Variants in GSE1 observed in about 807,000 individuals in gnomAD.
GSE1 encodes the protein Gse1 coiled-coil protein, also known as genetic suppressor element 1.
In GSE1, 32 loss-of-function variants were observed where a neutral mutation model predicts 112.6. That is an observed-to-expected ratio of 0.28 (90% CI 0.21 to 0.38). GSE1 has a LOEUF of 0.38. Among genes scored for constraint, GSE1 ranks in the 10% least tolerant of loss-of-function variants. The probability of loss-of-function intolerance (pLI) is 1.00; values close to 1 mark genes in which losing one functional copy is unlikely to be tolerated. For synonymous variants in GSE1, 1,115 were observed against 735.6 expected (o/e 1.52, Z -8.35); for missense variants, 2,348 against 1,699.2 (o/e 1.38, Z -6.71).
At chr16:85,473,917 C>A (rs1306287781) in intron 2 of GSE1, among the ~76,000 whole-genome samples, 1 of 151,944 alleles carries the variant, frequency 6.6e-6, no homozygotes, top group African/African-American at 2.4e-5. Flanking sequence ...GAAAAAAGAG[C>A]CGGAGCTGGT....
At chr16:85,615,329 G>T (rs1235054009) in intron 1 of GSE1, among the ~76,000 whole-genome samples, 7 of 152,364 alleles carry the variant, frequency 4.6e-5, no homozygotes, top group African/African-American at 1.7e-4. Context: ...GCCCTGGCCT[G>T]CGAGAGCAGC....
chr16:85,323,331 G>C (rs1354323825), intron 1 of GSE1, among the ~76,000 whole-genome samples: 1 of 152,192 alleles, frequency 6.6e-6, no homozygotes, highest in South Asian at 2.1e-4. Context: ...TGGCAAGATA[G>C]AATTAGTGGC....
intron 1 of GSE1, among the ~76,000 whole-genome samples, chr16:85,585,382 G>C (rs924734453): frequency 3.3e-5 from 5 of 152,208 alleles, no homozygotes; most frequent in African/African-American, 1.2e-4. Flanking sequence ...TATGGCAGCC[G>C]AGAGGGCATT....
chr16:85,170,947 G>A (rs1835637329), exon 1 of GSE1: 2 of 985,372 alleles, frequency 2.0e-6, no homozygotes, highest in African/African-American at 1.7e-5. Context: ...CCTGCCCTCC[G>A]GGGCCCTGCG....
At chr16:85,312,340 C>T (rs1161420715) in intron 1 of GSE1, among the ~76,000 whole-genome samples, 1 of 152,116 alleles carries the variant, frequency 6.6e-6, no homozygotes, top group Non-Finnish European at 1.5e-5. Context: ...GGCCAGGAGT[C>T]CACAGTCGAG....
intron 2 of GSE1, among the ~76,000 whole-genome samples, chr16:85,516,160 C>T (rs1336299915): frequency 3.3e-5 from 5 of 152,038 alleles, no homozygotes; most frequent in African/African-American, 4.8e-5. Context: ...TCACGTGAGC[C>T]TCACAGGGAC....
intron 14 of GSE1, 34 bp downstream of exon 14, chr16:85,668,458 T>G: frequency 5.7e-6 from 6 of 1,061,882 alleles, no homozygotes; most frequent in Non-Finnish European, 8.5e-6. Flanking sequence ...GGGGAGGGGG[T>G]CAGGAAAGTA....
At position 85,311,840 on chromosome 16, in the gene GSE1, G is replaced by A. The variant is rs905321415; in HGVS notation, c.2284-45623G>A. ...ACCCACTGTCTGACCTGTGGCCCCA[G>A]CCGCGAGTCCTTCTCACCCCAGACC... On this transcript the variant is annotated intron_variant, in intron 1 of 2. Transcript: ENST00000637419. The surrounding 1 kb of genome is among the most constrained non-coding windows in gnomAD (Gnocchi z 4.2). Among the ~76,000 whole-genome samples, 7 of 152,186 alleles carry A rather than the reference G, an allele frequency of 4.6e-5. No individual in the cohort carries two copies. The highest frequency in any genetic ancestry group is 2.0e-4 in the Admixed American group (3 of 15,284).
At position 85,402,936 on chromosome 16, in the gene GSE1, C is replaced by T. The variant is rs540959236; in HGVS notation, c.2464+45293C>T. 5.3e-5 allele frequency among the ~76,000 whole-genome samples: 8 copies of T among 151,900 alleles called. No individual in the cohort carries two copies. The East Asian group carries it at 1.5e-3, about 29-fold the overall frequency. On this transcript the variant is annotated intron_variant, in intron 2 of 2. Coordinates refer to the GSE1 transcript ENST00000637419. ...GACTCAAAAAAAAAAAAAATTGCCC[C>T]AAAACTTCGTGGCTCCAGACGCCAT...
intron 1 of GSE1, among the ~76,000 whole-genome samples, chr16:85,281,628 A>C (rs2044860871): frequency 6.6e-6 from 1 of 152,196 alleles, no homozygotes; most frequent in African/African-American, 2.4e-5. Context: ...CTCCAGAAAG[A>C]GAAAACCCTA....
At chr16:85,582,201 C>G (rs559622014) in intron 1 of GSE1, 1 of 152,246 alleles carries the variant, frequency 6.6e-6, no homozygotes, top group Non-Finnish European at 1.5e-5. Flanking sequence ...ACTTAGCACC[C>G]GAACGGGGCT....
chr16:85,198,057 G>A (rs1029300154), intron 1 of GSE1, among the ~76,000 whole-genome samples: 1 of 152,152 alleles, frequency 6.6e-6, no homozygotes, highest in Non-Finnish European at 1.5e-5. Flanking sequence ...TTCCAGCAGA[G>A]GGTGGCCAGG....
At chr16:85,572,148 C>T (rs1291163185) in intron 1 of GSE1, among the ~76,000 whole-genome samples, 1 of 148,942 alleles carries the variant, frequency 6.7e-6, no homozygotes, top group Non-Finnish European at 1.5e-5. Context: ...CCACACACAA[C>T]ACACCACACA....
intron 1 of GSE1, among the ~76,000 whole-genome samples, chr16:85,240,549 C>G (rs1224931425): frequency 6.6e-6 from 1 of 152,356 alleles, no homozygotes; most frequent in East Asian, 1.9e-4. Flanking sequence ...GGGCCGGTCA[C>G]TGAGGCTCTC....
intron 2 of GSE1, among the ~76,000 whole-genome samples, chr16:85,422,100 C>T (rs372042399): frequency 6.6e-6 from 1 of 152,160 alleles, no homozygotes; most frequent in South Asian, 2.1e-4. Context: ...CCCAGGCAGG[C>T]CATCATCGAA....
chr16:85,671,683 G>C (rs902652366), intron 15 of GSE1: 1 of 153,466 alleles, frequency 6.5e-6, no homozygotes, highest in Non-Finnish European at 1.5e-5. Flanking sequence ...TCCTGGAAGG[G>C]TAGGGATGCT....
chr16:85,286,992 G>A (rs74680932), intron 1 of GSE1, among the ~76,000 whole-genome samples: 2,395 of 152,316 alleles, frequency 0.016, 56 homozygotes, highest in African/African-American at 0.055. Flanking sequence ...GGGCTCCAGC[G>A]GGTCACTCTG....
At chr16:85,660,527 T>C (rs925991540) in intron 8 of GSE1, among the ~76,000 whole-genome samples, 2 of 152,256 alleles carry the variant, frequency 1.3e-5, no homozygotes, top group Admixed American at 6.5e-5. Context: ...TAATCCCAGC[T>C]ACTCGGGAGG....
chr16:85,230,853 G>GGACA (rs1904277528), intron 1 of GSE1, among the ~76,000 whole-genome samples: 1 of 152,102 alleles, frequency 6.6e-6, no homozygotes, highest in African/African-American at 2.4e-5. Context: ...ATGGATGGAT[G>GGACA]GATGGATGGA....
Sources: allele counts gnomAD v4.1 joint callset (sites outside exome capture counted in the v4.1 genomes callset), GRCh38; gene constraint gnomAD v4.1.1; non-coding constraint Gnocchi (gnomAD v3.1); transcripts MANE v1.5; gene names NCBI Gene and HGNC (gene_info 2026-07-23, HGNC 2026-07-21).